PRPSAP1: variants seen among roughly 807,000 people sequenced by gnomAD.
PRPSAP1 encodes phosphoribosyl pyrophosphate synthase-associated protein 1.
Under a neutral mutation model 39.4 loss-of-function variants are expected in PRPSAP1, and 31 were observed. The observed-to-expected ratio is 0.79, with a 90% CI of 0.59 to 1.06. The LOEUF (loss-of-function observed/expected upper bound fraction) is 1.06. Among genes scored for constraint, PRPSAP1 ranks in the 50% least tolerant of loss-of-function variants. The pLI is 0.00. For missense variants in PRPSAP1, 430 were observed against 511.6 expected (o/e 0.84, Z 1.54); for synonymous variants, 212 against 192.6 (o/e 1.10, Z -0.83).
chr17:76,353,432 A>G (rs1340274655), intron 1 of PRPSAP1, 102 bp downstream of exon 1: 1 of 1,147,354 alleles, frequency 8.7e-7, no homozygotes, highest in African/African-American at 1.6e-5. Flanking sequence ...CTCCCGCCCC[A>G]GGTGCAGGAG....
chr17:76,347,795 C>T (rs974004988), intron 2 of PRPSAP1, among the ~76,000 whole-genome samples: 5 of 152,010 alleles, frequency 3.3e-5, no homozygotes, highest in African/African-American at 1.2e-4. Flanking sequence ...CAGCAAACGG[C>T]AGGCTGGACT....
At chr17:76,315,035 T>G (rs896241229) in intron 7 of PRPSAP1, among the ~76,000 whole-genome samples, 8 of 152,210 alleles carry the variant, frequency 5.3e-5, no homozygotes, top group African/African-American at 1.4e-4. Context: ...ACTGCACTAC[T>G]GACATAATCA....
chr17:76,335,158 T>C (rs143734675), intron 3 of PRPSAP1, among the ~76,000 whole-genome samples: 1,758 of 152,206 alleles, frequency 0.012, 35 homozygotes, highest in African/African-American at 0.04. Context: ...TATGTTGCCA[T>C]GGCTGGTCTT....
chr17:76,342,927 A>G (rs55852901), intron 3 of PRPSAP1, among the ~76,000 whole-genome samples: 9,487 of 151,930 alleles, frequency 0.062, 301 homozygotes, highest in African/African-American at 0.084. Context: ...AAAATACAAA[A>G]AAATTACCCG....
At chr17:76,349,036 CGTG>C (rs2071540350) in intron 1 of PRPSAP1, among the ~76,000 whole-genome samples, 1 of 152,040 alleles carries the variant, frequency 6.6e-6, no homozygotes, top group South Asian at 2.1e-4. Context: ...TTTGGCCAGG[CGTG>C]GTGGCTGATG....
In PRPSAP1 at chr17:76,328,878, G is replaced by A. The variant is rs1418335381; in HGVS notation, c.636-16C>T. ...GGACTGGGCCCTAGAAGGACAAAGG[G>A]AAATGGTGAAACTGACAGGAAGAAA... On this transcript the variant is annotated splice_polypyrimidine_tract_variant and intron_variant, in intron 6 of 9. Transcript: ENST00000446526. 6.3e-7 allele frequency: 1 copy of A among 1,593,928 alleles called. No individual in the cohort carries two copies. Among genetic ancestry groups the A allele is most frequent in the African/African-American group, 1.3e-5 (1 of 74,074 alleles).
chr17:76,342,124 T>G (rs2071446320), intron 3 of PRPSAP1, among the ~76,000 whole-genome samples: 1 of 152,072 alleles, frequency 6.6e-6, no homozygotes, highest in African/African-American at 2.4e-5. Flanking sequence ...TTTCTTAGGA[T>G]CTTCCTACAG....
chr17:76,351,315 G>C (rs1399621276), intron 1 of PRPSAP1, among the ~76,000 whole-genome samples: 6 of 152,044 alleles, frequency 3.9e-5, no homozygotes, highest in African/African-American at 1.4e-4. Context: ...AGGAGATTGA[G>C]ACCAACCTGG....
At chr17:76,349,758 T>C (rs1567811207) in intron 1 of PRPSAP1, among the ~76,000 whole-genome samples, 2 of 151,280 alleles carry the variant, frequency 1.3e-5, no homozygotes, top group African/African-American at 2.4e-5. Flanking sequence ...CGAAACTCCA[T>C]CTCAAAAAAT....
intron 3 of PRPSAP1, among the ~76,000 whole-genome samples, chr17:76,337,698 C>G (rs796554332): frequency 1.3e-5 from 2 of 152,136 alleles, no homozygotes; most frequent in South Asian, 4.1e-4. Flanking sequence ...CTCTGCCTTC[C>G]GGGTTCAATC....
intron 4 of PRPSAP1, among the ~76,000 whole-genome samples, chr17:76,331,846 T>C (rs2071325170): frequency 6.6e-6 from 1 of 152,116 alleles, no homozygotes; most frequent in East Asian, 1.9e-4. Context: ...TGAGCCACTA[T>C]GTAGAAAGGC....
chr17:76,311,686 A>G lies in PRPSAP1; in HGVS notation c.1014T>C (p.Asn338=), dbSNP rs540872123. 2 of 1,613,900 alleles carry G rather than the reference A, an allele frequency of 1.2e-6. No individual in the cohort carries two copies. Among genetic ancestry groups the G allele is most frequent in the African/African-American group, 2.7e-5 (2 of 75,038 alleles). The change falls in exon 10 of 10, where the codon AAT becomes AAC. Residue 338 remains asparagine, a synonymous_variant. Coordinates refer to ENST00000446526, the MANE Select transcript of PRPSAP1 (RefSeq NM_002766.3). ...GCTTCTGAACCTCATGAGGGACAGT[A>G]TTCGTCACCACCACCTAGTCACACA... ...ESSVDEVVVT[N]TVPHEVQKLQ...
chr17:76,315,858 G>T (rs2071117958), intron 7 of PRPSAP1, among the ~76,000 whole-genome samples: 1 of 151,312 alleles, frequency 6.6e-6, no homozygotes, highest in South Asian at 2.1e-4. Context: ...GGGATTACAG[G>T]CACGTGCCAC....
intron 7 of PRPSAP1, among the ~76,000 whole-genome samples, chr17:76,319,814 G>A (rs1356795737): frequency 6.6e-6 from 1 of 152,118 alleles, no homozygotes; most frequent in African/African-American, 2.4e-5. Flanking sequence ...GCTCCTTGGA[G>A]AAATGGCCAA....
intron 7 of PRPSAP1, among the ~76,000 whole-genome samples, chr17:76,327,548 G>C (rs2071267702): frequency 6.6e-6 from 1 of 151,988 alleles, no homozygotes; most frequent in Admixed American, 6.6e-5. Context: ...AGCCACTGGA[G>C]AGGCTGAGGC....
chr17:76,337,551 AT>A (rs1217993549), intron 3 of PRPSAP1: 1 of 152,246 alleles, frequency 6.6e-6, no homozygotes, highest in Non-Finnish European at 1.5e-5. Context: ...ATGGGGGAGA[AT>A]TTACCCTGCT....
intron 2 of PRPSAP1, among the ~76,000 whole-genome samples, chr17:76,347,898 G>C (rs1468455885): frequency 6.6e-6 from 1 of 152,188 alleles, no homozygotes; most frequent in Non-Finnish European, 1.5e-5. Flanking sequence ...GTGGATCAAA[G>C]ATGAGGCAGG....
chr17:76,322,007 C>T (rs1448309743), intron 7 of PRPSAP1, among the ~76,000 whole-genome samples: 4 of 152,296 alleles, frequency 2.6e-5, no homozygotes, highest in Admixed American at 2.6e-4. Context: ...GTTTCCGTGA[C>T]CTAAGAGTGC....
At chr17:76,344,132 TTTTG>T (rs1490486265) in intron 3 of PRPSAP1, among the ~76,000 whole-genome samples, 2 of 151,520 alleles carry the variant, frequency 1.3e-5, no homozygotes, top group Non-Finnish European at 2.9e-5. Flanking sequence ...TATTCATTTA[TTTTG>T]TTTTTTTTTG....
Sources: allele counts gnomAD v4.1 joint callset (sites outside exome capture counted in the v4.1 genomes callset), GRCh38; gene constraint gnomAD v4.1.1; transcripts MANE v1.5; gene names NCBI Gene and HGNC (gene_info 2026-07-23, HGNC 2026-07-21).